KLRG1: variants seen among roughly 807,000 people sequenced by gnomAD.
KLRG1 encodes the protein killer cell lectin like receptor G1.
In KLRG1, 16 loss-of-function variants were observed where a neutral mutation model predicts 21.8. The ratio of observed to expected loss-of-function variants is 0.73; its 90% CI spans 0.50 to 1.11. KLRG1 has a LOEUF of 1.11. Among genes scored for constraint, KLRG1 ranks in the 50% most tolerant of loss-of-function variants. The pLI is 0.00. For missense variants in KLRG1, 173 were observed against 218.3 expected, an observed-to-expected ratio of 0.79 and a Z score of 1.31; for synonymous variants, 69 against 75.9, an observed-to-expected ratio of 0.91 and a Z score of 0.47.
chr12:9,054,753 C>G, the KLRG1 span, among the ~76,000 whole-genome samples: 7 of 152,216 alleles, frequency 4.6e-5, no homozygotes, highest in East Asian at 1.3e-3. Flanking sequence ...TTTCTAAGAA[C>G]CTATCAATGG....
chr12:9,107,615 T>C, the KLRG1 span: 1 of 1,614,054 alleles, frequency 6.2e-7, no homozygotes, highest in South Asian at 1.1e-5. Context: ...CACAGTCACA[T>C]GTCCAGGGAC....
At chr12:8,992,028 G>A (rs1592264223) in intron 1 of KLRG1, 178 bp from the exon 2 acceptor site, 2 of 532,188 alleles carry the variant, frequency 3.8e-6, no homozygotes, top group East Asian at 6.3e-5. Context: ...ACAGGTGTTG[G>A]TGGTTACCTT....
chr12:9,079,544 G>A, the KLRG1 span: 1 of 1,230,774 alleles, frequency 8.1e-7, no homozygotes, highest in Non-Finnish European at 1.1e-6. Context: ...AGTGAGCTAA[G>A]CTAATGTATC....
At chr12:9,203,397 A>C in the KLRG1 span, among the ~76,000 whole-genome samples, 1 of 132,914 alleles carries the variant, frequency 7.5e-6, no homozygotes, top group African/African-American at 2.9e-5. Flanking sequence ...GCTGGAGTGC[A>C]GTGGGGCGAT....
the KLRG1 span, chr12:9,070,698 T>G: frequency 1.5e-6 from 1 of 672,584 alleles, no homozygotes; most frequent in East Asian, 2.8e-5. Context: ...CCCAAATATC[T>G]TATCCCAGTG....
the KLRG1 span, among the ~76,000 whole-genome samples, chr12:9,102,238 C>G: frequency 4.5e-4 from 68 of 152,180 alleles, 1 homozygote; most frequent in East Asian, 0.01. Flanking sequence ...TTTTTTGAGA[C>G]AGGGTTTTGC....
the KLRG1 span, among the ~76,000 whole-genome samples, chr12:9,080,601 CA>C: frequency 6.6e-6 from 1 of 152,190 alleles, no homozygotes; most frequent in African/African-American, 2.4e-5. Flanking sequence ...AAATTACCCA[CA>C]AAAGGTCCTG....
At chr12:9,026,159 A>C in the KLRG1 span, among the ~76,000 whole-genome samples, 3 of 152,188 alleles carry the variant, frequency 2.0e-5, no homozygotes, top group Non-Finnish European at 4.4e-5. Flanking sequence ...GAATGGTTTC[A>C]GGGGAAGAGA....
intron 3 of KLRG1, among the ~76,000 whole-genome samples, chr12:9,007,223 C>T (rs1565553943): frequency 6.6e-6 from 1 of 152,144 alleles, no homozygotes; most frequent in Admixed American, 6.5e-5. Context: ...CCTGTAGTGT[C>T]TCCACTAGAA....
intron 1 of KLRG1, among the ~76,000 whole-genome samples, chr12:8,983,453 T>C (rs1362600066): frequency 7.2e-6 from 1 of 139,616 alleles, no homozygotes. Flanking sequence ...CAGGCTGGAG[T>C]GTAATGGTGC....
At chr12:9,095,046 A>G in the KLRG1 span, 1 of 1,596,506 alleles carries the variant, frequency 6.3e-7, no homozygotes, top group Non-Finnish European at 8.5e-7. Flanking sequence ...TTTTGGGTTT[A>G]CGAATCTTTG....
At chr12:9,112,150 A>G in the KLRG1 span, 30 of 1,613,452 alleles carry the variant, frequency 1.9e-5, no homozygotes, top group Non-Finnish European at 2.5e-5. Flanking sequence ...TAGATAATAG[A>G]AAACTCACCA....
At chr12:8,957,636 T>C (rs1278749654) in intron 1 of KLRG1, among the ~76,000 whole-genome samples, 1 of 152,230 alleles carries the variant, frequency 6.6e-6, no homozygotes, top group Non-Finnish European at 1.5e-5. Context: ...TAGCCAGCAT[T>C]ACTACTCTTG....
chr12:8,974,177 T>TC (rs1946618573), intron 1 of KLRG1, among the ~76,000 whole-genome samples: 1 of 151,606 alleles, frequency 6.6e-6, no homozygotes, highest in Non-Finnish European at 1.5e-5. Flanking sequence ...TTGTTTTGTT[T>TC]TTTTTTTTGA....
the KLRG1 span, among the ~76,000 whole-genome samples, chr12:9,063,816 A>G: frequency 6.6e-6 from 1 of 152,346 alleles, no homozygotes; most frequent in East Asian, 1.9e-4. Flanking sequence ...TTTGTATTAT[A>G]GCATGGGATA....
chr12:9,149,425 T>C, the KLRG1 span: 1 of 815,134 alleles, frequency 1.2e-6, no homozygotes. Context: ...TACGCCACAG[T>C]TTTGTCTTGG....
In KLRG1 at chr12:9,009,533, T is replaced by C; in HGVS notation, c.566T>C (p.Leu189Pro). ...CACTGGGTGTGTAAGAAGGTCAGAC[T>C]TTGATAGATGACCACTCTGTCCTGA... ...PLHWVCKKVRL is the reference protein window; with the variant it reads ...PLHWVCKKVRP Residue 189 changes from leucine to proline, a missense_variant, in exon 5 of 5, where the codon CTT becomes CCT. Leu to Pro is a moderately conservative substitution (Grantham distance 98). Around this residue, in one of 3 missense-constraint regions of KLRG1, gnomAD observed 26 missense variants for 36.9 expected, o/e 0.70. Coordinates refer to ENST00000356986, the MANE Select transcript of KLRG1 (RefSeq NM_005810.4). 2.5e-6 allele frequency: 4 copies of C among 1,613,848 alleles called. No individual in the cohort carries two copies. The highest frequency in any genetic ancestry group is 3.4e-6 in the Non-Finnish European group (4 of 1,179,858).
chr12:8,989,158 T>C (rs952456681), upstream of KLRG1, among the ~76,000 whole-genome samples: 11 of 152,174 alleles, frequency 7.2e-5, no homozygotes, highest in Non-Finnish European at 1.5e-4. Context: ...ATTCCAGGCA[T>C]ATGCACCCAA....
At chr12:9,132,039 G>A in the KLRG1 span, among the ~76,000 whole-genome samples, 3 of 152,118 alleles carry the variant, frequency 2.0e-5, no homozygotes, top group Admixed American at 6.5e-5. Context: ...GTTGTAGTGG[G>A]CATACCCCTG....
Sources: allele counts gnomAD v4.1 joint callset (sites outside exome capture counted in the v4.1 genomes callset), GRCh38; gene constraint gnomAD v4.1.1; regional missense constraint gnomAD v4.1.1; transcripts MANE v1.5; gene names NCBI Gene and HGNC (gene_info 2026-07-23, HGNC 2026-07-21).